Variants in CD6 observed in about 807,000 individuals in gnomAD.
CD6 encodes T-cell differentiation antigen CD6.
Under a neutral mutation model 75.3 loss-of-function variants are expected in CD6, and 53 were observed. The ratio of observed to expected loss-of-function variants is 0.70; its 90% confidence interval spans 0.56 to 0.88. The LOEUF is 0.88. Among genes scored for constraint, CD6 ranks in the 40% least tolerant of loss-of-function variants. The pLI, the probability that CD6 is intolerant of heterozygous loss-of-function variation, is 0.00. For missense variants in CD6, 770 were observed against 897.1 expected, an observed-to-expected ratio of 0.86 and a Z score of 1.81; for synonymous variants, 359 against 381.5, an observed-to-expected ratio of 0.94 and a Z score of 0.69.
At chr11:60,994,397 T>C (rs1323741650) in intron 1 of CD6, among the ~76,000 whole-genome samples, 1 of 132,998 alleles carries the variant, frequency 7.5e-6, no homozygotes, top group Non-Finnish European at 1.5e-5. Context: ...GCCGAGATCG[T>C]GCCACTGCAG....
Position 60,971,749 on chromosome 11 carries a change from C to G in CD6, c.-117C>G. The G allele has an allele frequency of 1.0e-6, 1 of 960,554 alleles. No homozygotes were observed. The allele number at this position is 960,554 out of a possible 1,614,324, so 59.5% of individuals were successfully genotyped here. Reference sequence around the variant, plus strand: ...GCAGAGAGAGACACAGGAACAAGAACAGCAAAGGGTAGAGCAGACCTGCGC... The same window carrying G: ...GCAGAGAGAGACACAGGAACAAGAAGAGCAAAGGGTAGAGCAGACCTGCGC... On this transcript the variant is annotated 5_prime_UTR_variant, in exon 1 of 13. Transcript: ENST00000313421.
At position 60,995,819 on chromosome 11, in the gene CD6, G is replaced by A. The variant is rs1481775579; in HGVS notation, c.50-10755G>A. Among the ~76,000 whole-genome samples, 4 of 152,294 alleles carry A rather than the reference G, an allele frequency of 2.6e-5. No individual in the cohort carries two copies. In the South Asian group the frequency reaches 6.2e-4, roughly 24 times the overall value. ...GTTTCCTAGTTGTTGCTTATCTTTG[G>A]AGTCTGGGATCTTTTGGGAAATGAG... is the stretch of plus-strand genomic sequence containing the variant. On this transcript the variant is annotated intron_variant, in intron 1 of 12. Transcript: ENST00000313421.
intron 1 of CD6, among the ~76,000 whole-genome samples, chr11:61,005,362 AG>A (rs992884167): frequency 1.3e-5 from 2 of 152,032 alleles, no homozygotes; most frequent in Admixed American, 6.5e-5. Flanking sequence ...GGGACCTCAC[AG>A]GGGGGGCCAG....
rs974792414 is a variant in CD6, at chr11:60,997,435, G to A, written c.50-9139G>A. Among the ~76,000 whole-genome samples, 4 of 150,124 alleles carry A rather than the reference G, an allele frequency of 2.7e-5. No homozygotes were observed. The South Asian group carries it at 8.4e-4, about 32-fold the overall frequency. On this transcript the variant is annotated intron_variant, in intron 1 of 12. Transcript: ENST00000313421. ...AAAATAATAAATAAATAAATTTTTA[G>A]CAGCTGCATTTTTTCAAAAAAGTAA... is the stretch of plus-strand genomic sequence containing the variant.
chr11:61,011,005 A>T, intron 5 of CD6, 65 bp from the exon 6 acceptor site: 1 of 1,452,948 alleles, frequency 6.9e-7, no homozygotes, highest in Non-Finnish European at 9.7e-7. Flanking sequence ...TTTCTAACCC[A>T]AGGCCTGGCA....
chr11:61,003,277 TA>T (rs1393192630), intron 1 of CD6, among the ~76,000 whole-genome samples: 2 of 152,082 alleles, frequency 1.3e-5, no homozygotes, highest in African/African-American at 4.8e-5. Context: ...AATCAATTCT[TA>T]AACATCCAAC....
At chr11:61,006,473 C>T in intron 1 of CD6, 101 bp from the exon 2 acceptor site, 2 of 935,210 alleles carry the variant, frequency 2.1e-6, no homozygotes, top group Non-Finnish European at 3.3e-6. Flanking sequence ...CCTCATGTAG[C>T]CACCACAGGC....
chr11:60,972,744 C>A (rs999451047), intron 1 of CD6, among the ~76,000 whole-genome samples: 1 of 152,130 alleles, frequency 6.6e-6, no homozygotes, highest in African/African-American at 2.4e-5. Context: ...GCCAGAGAGC[C>A]AAGTGCTTTC....
chr11:60,972,091 C>T (rs551784154), intron 1 of CD6, among the ~76,000 whole-genome samples, 177 bp downstream of exon 1: 7 of 152,294 alleles, frequency 4.6e-5, no homozygotes, highest in East Asian at 3.9e-4. Flanking sequence ...AGGAGCCCCT[C>T]GAGGGGCTGG....
At chr11:61,017,585 C>T (rs1167437489) in intron 10 of CD6, 35 bp downstream of exon 10, 1 of 1,557,770 alleles carries the variant, frequency 6.4e-7, no homozygotes, top group Non-Finnish European at 8.8e-7. Flanking sequence ...GAATGGCAGT[C>T]CCACCTCCAG....
chr11:61,008,685 A>C lies in CD6; in HGVS notation c.621A>C (p.Ala207=). 6.2e-7 allele frequency: 1 copy of C among 1,608,134 alleles called. No individual in the cohort carries two copies. The part of the protein sequence containing the change: ...VVCRQLGCGW[A]VQALPGLHFT... Reference sequence around the variant, plus strand: ...GCAGGCAACTGGGCTGCGGCTGGGCAGTCCAGGCCCTGCCCGGCTTGCACT... The same window carrying C: ...GCAGGCAACTGGGCTGCGGCTGGGCCGTCCAGGCCCTGCCCGGCTTGCACT... Residue 207 remains alanine (A), a synonymous_variant, in exon 4 of 13, where the codon GCA becomes GCC. Coordinates refer to ENST00000313421, the MANE Select transcript of CD6 (RefSeq NM_006725.5).
At position 61,018,273 on chromosome 11, in the gene CD6, T is replaced by C; in HGVS notation, c.1838-16T>C. ...CTGTGTGCTGGCAGAGGGTGACTGG[T>C]TCTGGGGGTTTCCAGCAGGGCCCCC... On this transcript the variant is annotated splice_polypyrimidine_tract_variant and intron_variant, in intron 11 of 12. Coordinates refer to ENST00000313421, the MANE Select transcript of CD6 (RefSeq NM_006725.5). The C allele has an allele frequency of 6.3e-7, 1 of 1,575,956 alleles. No homozygotes were observed. Among genetic ancestry groups the C allele is most frequent in the Non-Finnish European group, 8.6e-7 (1 of 1,159,988 alleles).
intron 1 of CD6, among the ~76,000 whole-genome samples, chr11:60,972,900 C>A (rs1018806351): frequency 5.3e-5 from 8 of 152,168 alleles, no homozygotes; most frequent in Non-Finnish European, 1.0e-4. Flanking sequence ...GAGCCTGTGG[C>A]CTCATACTGG....
At chr11:61,009,948 T>A in intron 5 of CD6, 74 bp downstream of exon 5, 1 of 1,445,654 alleles carries the variant, frequency 6.9e-7, no homozygotes, top group South Asian at 1.4e-5. Flanking sequence ...AAACTTACAG[T>A]CCAAGGACCA....
rs1400440521 is a variant in CD6, at chr11:61,013,910, C to T, written c.1292-9C>T. ...ATGACTTGTAGAATTTCTGCCTCCC[C>T]TCCCTCAGCCCTCCCCGTAATGGTG... On this transcript the variant is annotated splice_polypyrimidine_tract_variant and intron_variant, in intron 7 of 12. Coordinates refer to ENST00000313421, the MANE Select transcript of CD6 (RefSeq NM_006725.5). The T allele has an allele frequency of 6.3e-7, 1 of 1,586,370 alleles. No homozygotes were observed. The highest frequency in any genetic ancestry group is 8.6e-7 in the Non-Finnish European group (1 of 1,166,072).
chr11:60,973,079 C>A (rs1177842363), intron 1 of CD6, among the ~76,000 whole-genome samples: 1 of 152,228 alleles, frequency 6.6e-6, no homozygotes, highest in Admixed American at 6.5e-5. Context: ...GGCCCCCTTT[C>A]CTCTTCCCCA....
intron 1 of CD6, among the ~76,000 whole-genome samples, chr11:60,999,084 G>A (rs1858450923): frequency 6.6e-6 from 1 of 152,126 alleles, no homozygotes; most frequent in Non-Finnish European, 1.5e-5. Context: ...CTTGAACTCG[G>A]GAGGCGGAGG....
At chr11:61,015,460 A>G in intron 8 of CD6, 1 of 437,254 alleles carries the variant, frequency 2.3e-6, no homozygotes, top group Non-Finnish European at 4.1e-6. Flanking sequence ...GGTCCCAGCT[A>G]CTCGGGAGGC....
intron 6 of CD6, among the ~76,000 whole-genome samples, chr11:61,012,656 T>C (rs556740291): frequency 6.6e-6 from 1 of 152,268 alleles, no homozygotes; most frequent in Non-Finnish European, 1.5e-5. Context: ...CCAGGAACCC[T>C]CCTCACTGAC....
Sources: allele counts gnomAD v4.1 joint callset (sites outside exome capture counted in the v4.1 genomes callset), GRCh38; gene constraint gnomAD v4.1.1; transcripts MANE v1.5; gene names NCBI Gene and HGNC (gene_info 2026-07-23, HGNC 2026-07-21).